FGFR2: variants seen among roughly 807,000 people sequenced by gnomAD.
The protein encoded by FGFR2 is BEK fibroblast growth factor receptor.
A neutral mutation model predicts 95.9 loss-of-function variants in FGFR2; 19 were observed. The ratio of observed to expected loss-of-function variants is 0.20; its 90% CI spans 0.14 to 0.29. The LOEUF is 0.29. Ranked by LOEUF, FGFR2 falls within the 10% of genes least tolerant of loss-of-function variation. The probability of loss-of-function intolerance (pLI) is 1.00; values close to 1 mark genes in which losing one functional copy is unlikely to be tolerated. For synonymous variants in FGFR2, 392 were observed against 393.3 expected (o/e 1.00, Z 0.04); for missense variants, 707 against 1,056.9 (o/e 0.67, Z 4.59).
intron 13 of FGFR2, among the ~76,000 whole-genome samples, chr10:121,491,873 CAA>C (rs149016265): frequency 2.3e-5 from 3 of 128,536 alleles, no homozygotes; most frequent in African/African-American, 6.2e-5. Flanking sequence ...CTGTCTCAAC[CAA>C]AAAAAAAAAA....
At chr10:121,500,750 C>T (rs1847493514) in intron 11 of FGFR2, 76 bp downstream of exon 11, 8 of 1,592,356 alleles carry the variant, frequency 5.0e-6, no homozygotes, top group African/African-American at 1.3e-5. Flanking sequence ...TGATAGAGTT[C>T]ACATGCCACA....
chr10:121,597,239 G>A (rs1363261602), intron 1 of FGFR2, among the ~76,000 whole-genome samples: 1 of 152,188 alleles, frequency 6.6e-6, no homozygotes, highest in Non-Finnish European at 1.5e-5. Context: ...CCCCAGCGCG[G>A]CCCCGTGGCC....
chr10:121,575,072 A>T (rs1443462700), intron 2 of FGFR2, among the ~76,000 whole-genome samples: 1 of 152,228 alleles, frequency 6.6e-6, no homozygotes, highest in Non-Finnish European at 1.5e-5. Context: ...TCATGTTCCT[A>T]GTCATCAGAT....
In FGFR2 at chr10:121,512,382, G is replaced by A. The variant is rs557185818; in HGVS notation, c.1287+2735C>T. Among the ~76,000 whole-genome samples, 6 of 152,320 alleles carry A rather than the reference G, an allele frequency of 3.9e-5. No individual in the cohort carries two copies. In the East Asian group the frequency reaches 9.7e-4, roughly 25 times the overall value. On this transcript the variant is annotated intron_variant, in intron 9 of 17. Coordinates refer to ENST00000358487, the MANE Select transcript of FGFR2 (RefSeq NM_000141.5). ...CCAATAATGTACCCCACTTGGACAT[G>A]TAGAAGGAGCTGAGGTGTGTCAACA...
Position 121,518,651 on chromosome 10 carries a change from T to C in FGFR2, c.940-1188A>G, listed in dbSNP as rs771321024. On this transcript the variant is annotated intron_variant, in intron 7 of 17. Coordinates refer to ENST00000358487, the MANE Select transcript of FGFR2 (RefSeq NM_000141.5). The surrounding 1 kb of genome is among the most constrained non-coding windows in gnomAD (Gnocchi z 4.0). The stretch of plus-strand genomic sequence containing the variant: ...CAGCTTCTATATCCAGCTTTCTTTT[T>C]AAAAAAAGACAAAAATGAAAGCATT... 2.5e-5 allele frequency: 40 copies of C among 1,613,830 alleles called. No individual in the cohort carries two copies. The highest frequency in any genetic ancestry group is 3.4e-5 in the Non-Finnish European group (40 of 1,179,990).
At chr10:121,494,381 C>T (rs1010759354) in intron 13 of FGFR2, among the ~76,000 whole-genome samples, 3 of 152,180 alleles carry the variant, frequency 2.0e-5, no homozygotes, top group African/African-American at 7.2e-5. Context: ...CATGAGACAT[C>T]GGGGGTGCTC....
intron 11 of FGFR2, among the ~76,000 whole-genome samples, chr10:121,500,111 C>T (rs1309700962): frequency 6.6e-6 from 1 of 152,160 alleles, no homozygotes; most frequent in African/African-American, 2.4e-5. Context: ...TGTGACAGTT[C>T]CCTATAACTC....
rs542463829 is a variant in FGFR2, at chr10:121,535,484, G to A, written c.748+3108C>T. Among the ~76,000 whole-genome samples the A allele has an allele frequency of 3.9e-5, 6 of 152,174 alleles. 1 individual carries two copies. Among genetic ancestry groups the A allele is most frequent in the Non-Finnish European group, 8.8e-5 (6 of 68,042 alleles). On this transcript the variant is annotated intron_variant, in intron 6 of 17. Transcript: ENST00000358487. The stretch of plus-strand genomic sequence containing the variant: ...TTTGTTCTAACATTCATGAGTTCCA[G>A]TTCCTTCATTTTTGGACACAAGGAA...
chr10:121,490,815 A>G (rs1382230100), intron 13 of FGFR2, among the ~76,000 whole-genome samples: 3 of 152,174 alleles, frequency 2.0e-5, no homozygotes, highest in African/African-American at 7.2e-5. Flanking sequence ...CCCGACCCCT[A>G]GCTATTCCTT....
intron 2 of FGFR2, among the ~76,000 whole-genome samples, chr10:121,573,388 C>G (rs1227745209): frequency 6.6e-6 from 1 of 152,186 alleles, no homozygotes; most frequent in Non-Finnish European, 1.5e-5. Context: ...CATCCTAGTT[C>G]CAAGGATGCG....
In FGFR2 at chr10:121,503,894, C is replaced by A. The variant is rs1460282965; in HGVS notation, c.1335G>T (p.Val445=). ...SSSMNSNTPL[V]RITTRLSSTA... is the part of the protein sequence containing the mutation. The stretch of plus-strand genomic sequence containing the variant: ...TTGAAGAGAGGCGTGTTGTTATCCT[C>A]ACCAGCGGGGTGTTGGAGTTCATGG... Residue 445 remains valine (V), a synonymous_variant, in exon 10 of 18, where the codon GTG becomes GTT. Coordinates refer to ENST00000358487, the MANE Select transcript of FGFR2 (RefSeq NM_000141.5). 15 of 1,613,988 alleles carry A rather than the reference C, an allele frequency of 9.3e-6. No homozygotes were observed. The highest frequency in any genetic ancestry group is 1.3e-5 in the Non-Finnish European group (15 of 1,180,012).
intron 7 of FGFR2, 38 bp downstream of exon 7, chr10:121,519,941 C>T (rs1398007309): frequency 6.2e-7 from 1 of 1,606,288 alleles, no homozygotes; most frequent in Non-Finnish European, 8.5e-7. Flanking sequence ...TGAAGGAGAC[C>T]CCAGTTGTGG....
Position 121,485,265 on chromosome 10 carries a change from A to G in FGFR2, c.2195+130T>C. On this transcript the variant is annotated intron_variant, in intron 16 of 17. Transcript: ENST00000358487. The surrounding 1 kb of genome is among the most constrained non-coding windows in gnomAD (Gnocchi z 4.2). ...TATCCCAGCTCTGGATTGAGCCCAG[A>G]GAGCTTCAGCCATTCTTCTTAGAGC... 8.1e-7 allele frequency: 1 copy of G among 1,235,554 alleles called. No individual in the cohort carries two copies. Among genetic ancestry groups the G allele is most frequent in the Admixed American group, 1.7e-5 (1 of 59,358 alleles). The allele number at this position is 1,235,554 out of a possible 1,614,324, so 76.5% of individuals were successfully genotyped here. A position where few individuals can be genotyped will look rare whatever the true frequency, so the allele number is the denominator to read the frequency against.
chr10:121,567,906 G>A (rs1424382189), intron 2 of FGFR2, among the ~76,000 whole-genome samples: 1 of 152,208 alleles, frequency 6.6e-6, no homozygotes, highest in Non-Finnish European at 1.5e-5. Context: ...AATCCCTGTT[G>A]TATAAGACAA....
intron 14 of FGFR2, 35 bp downstream of exon 14, chr10:121,487,956 C>CGCCCCT (rs764193470): frequency 2.5e-5 from 41 of 1,613,616 alleles, no homozygotes; most frequent in Non-Finnish European, 3.4e-5. Flanking sequence ...GCCTCACCCC[C>CGCCCCT]GCCCCTGCCC....
At chr10:121,500,983 T>C (rs770634562) in intron 10 of FGFR2, 36 bp from the exon 11 acceptor site, 8 of 1,612,014 alleles carry the variant, frequency 5.0e-6, no homozygotes, top group Middle Eastern at 1.6e-4. Context: ...ACATAGCATC[T>C]GGTGATGGGG....
At chr10:121,555,008 C>T (rs529304766) in intron 4 of FGFR2, among the ~76,000 whole-genome samples, 4 of 152,260 alleles carry the variant, frequency 2.6e-5, no homozygotes, top group Admixed American at 2.6e-4. Flanking sequence ...AATTAAAGAT[C>T]TACTGAAGCA....
intron 10 of FGFR2, among the ~76,000 whole-genome samples, chr10:121,501,515 C>T (rs1440512549): frequency 6.6e-6 from 1 of 152,032 alleles, no homozygotes; most frequent in East Asian, 1.9e-4. Context: ...CTTATGACTA[C>T]ATAAAATTAA....
At chr10:121,582,489 G>A (rs780967968) in intron 2 of FGFR2, among the ~76,000 whole-genome samples, 2 of 152,128 alleles carry the variant, frequency 1.3e-5, no homozygotes, top group Non-Finnish European at 2.9e-5. Context: ...GAAATTTGCA[G>A]CATCTCCTAG....
Sources: gnomAD v4.1 joint callset for allele counts (sites outside exome capture counted in the v4.1 genomes callset) on GRCh38, gnomAD v4.1.1 for gene constraint, Gnocchi (gnomAD v3.1) non-coding constraint, MANE v1.5 for transcripts, NCBI Gene and HGNC (gene_info 2026-07-23, HGNC 2026-07-21) for gene names.